Variants in ACTR3C observed in about 807,000 individuals in gnomAD.
ACTR3C encodes actin related protein 3C.
In ACTR3C, 18 loss-of-function variants were observed where a neutral mutation model predicts 26.3. The observed-to-expected ratio is 0.68, with a 90% CI of 0.47 to 1.01. The LOEUF (loss-of-function observed/expected upper bound fraction) is 1.01, where lower values mean the gene tolerates loss of function less well. ACTR3C is among the 50% of genes least tolerant of loss of function. The pLI is 0.00. For synonymous variants in ACTR3C, 55 were observed against 94.5 expected, an observed-to-expected ratio of 0.58 and a Z score of 2.42; for missense variants, 184 against 250.7, an observed-to-expected ratio of 0.73 and a Z score of 1.80.
the ACTR3C span, among the ~76,000 whole-genome samples, chr7:150,048,962 C>T: frequency 6.6e-6 from 1 of 152,132 alleles, no homozygotes; most frequent in Non-Finnish European, 1.5e-5. Flanking sequence ...CGGCTGTGAC[C>T]GTGACTCCAT....
the ACTR3C span, among the ~76,000 whole-genome samples, chr7:150,034,879 C>A: frequency 6.8e-6 from 1 of 147,014 alleles, no homozygotes; most frequent in South Asian, 2.2e-4. Context: ...GGCTGGCTCT[C>A]AGTCCCTACC....
chr7:150,275,833 T>C (rs1295519126), intron 6 of ACTR3C, among the ~76,000 whole-genome samples: 1 of 152,220 alleles, frequency 6.6e-6, no homozygotes, highest in African/African-American at 2.4e-5. Context: ...TCATGCACTC[T>C]GCTCATCTGT....
the ACTR3C span, among the ~76,000 whole-genome samples, chr7:150,152,533 T>A: frequency 6.6e-6 from 1 of 152,218 alleles, no homozygotes; most frequent in Non-Finnish European, 1.5e-5. Context: ...GCTGCTGGAT[T>A]TGGTTTGCCA....
chr7:150,132,496 T>C, the ACTR3C span, among the ~76,000 whole-genome samples: 1 of 151,952 alleles, frequency 6.6e-6, no homozygotes, highest in Non-Finnish European at 1.5e-5. Flanking sequence ...AACAAACATA[T>C]GAAAAAATGC....
At chr7:150,302,931 C>T (rs1795539900) in intron 1 of ACTR3C, 1 of 152,246 alleles carries the variant, frequency 6.6e-6, no homozygotes, top group Non-Finnish European at 1.5e-5. Flanking sequence ...GGGTGACACT[C>T]TCCACATAGG....
the ACTR3C span, among the ~76,000 whole-genome samples, chr7:150,152,719 A>T: frequency 5.3e-5 from 8 of 152,172 alleles, no homozygotes; most frequent in Non-Finnish European, 1.0e-4. Context: ...GAATGGTACC[A>T]GTTCCTCCTT....
the ACTR3C span, among the ~76,000 whole-genome samples, chr7:150,037,106 A>C: frequency 4.4e-4 from 25 of 56,886 alleles, no homozygotes; most frequent in Middle Eastern, 0.012. Context: ...CCTAAGAGCC[A>C]GGGGGGGAAG....
chr7:150,037,165 T>C, the ACTR3C span, among the ~76,000 whole-genome samples: 103 of 14,074 alleles, frequency 7.3e-3, 3 homozygotes, highest in Middle Eastern at 0.091. Flanking sequence ...TCCCCCCCTG[T>C]GATGGGGGTA....
At chr7:150,172,551 A>G in the ACTR3C span, among the ~76,000 whole-genome samples, 1 of 150,212 alleles carries the variant, frequency 6.7e-6, no homozygotes, top group Non-Finnish European at 1.5e-5. Context: ...GACAGAGCCG[A>G]ACCATATCAT....
At chr7:150,179,804 A>G in the ACTR3C span, among the ~76,000 whole-genome samples, 1 of 151,700 alleles carries the variant, frequency 6.6e-6, no homozygotes, top group Non-Finnish European at 1.5e-5. Flanking sequence ...CTCTGATGGG[A>G]TTTTTACATG....
chr7:149,989,468 A>T, the ACTR3C span, among the ~76,000 whole-genome samples: 1 of 152,138 alleles, frequency 6.6e-6, no homozygotes, highest in Non-Finnish European at 1.5e-5. Flanking sequence ...ACCATCCCTG[A>T]GCTAGTCTCT....
At chr7:150,203,075 C>G in the ACTR3C span, among the ~76,000 whole-genome samples, 1 of 152,152 alleles carries the variant, frequency 6.6e-6, no homozygotes, top group Non-Finnish European at 1.5e-5. Flanking sequence ...AGAAGTGGAG[C>G]CTTACCACTC....
At chr7:150,129,164 G>T in the ACTR3C span, among the ~76,000 whole-genome samples, 2 of 151,838 alleles carry the variant, frequency 1.3e-5, no homozygotes, top group South Asian at 4.2e-4. Context: ...AAAATTCATA[G>T]AACGCATGCA....
At chr7:149,965,428 T>C in the ACTR3C span, among the ~76,000 whole-genome samples, 6 of 138,590 alleles carry the variant, frequency 4.3e-5, no homozygotes, top group African/African-American at 1.6e-4. Context: ...AGAGCAGTGG[T>C]TGGGAAGCAG....
In ACTR3C at chr7:150,276,774, G is replaced by A. The variant is rs1324232274; in HGVS notation, c.564+7979C>T. ...CTCACCCCTGTGTGGTGAACCCAAGGGCTACCTCTTGACCCTCATCCTGTG... is the reference window on the plus strand; with the variant it reads ...CTCACCCCTGTGTGGTGAACCCAAGAGCTACCTCTTGACCCTCATCCTGTG... On this transcript the variant is annotated intron_variant, in intron 6 of 7. Transcript: ENST00000683684. 2.0e-5 allele frequency among the ~76,000 whole-genome samples: 3 copies of A among 152,120 alleles called. No homozygotes were observed. The East Asian group carries it at 5.8e-4, about 29-fold the overall frequency.
chr7:150,043,507 G>C, the ACTR3C span, among the ~76,000 whole-genome samples: 1 of 152,364 alleles, frequency 6.6e-6, no homozygotes, highest in South Asian at 2.1e-4. Context: ...CCATCCTTTA[G>C]AAACAGTAAT....
the ACTR3C span, among the ~76,000 whole-genome samples, chr7:150,133,061 T>G: frequency 6.6e-6 from 1 of 152,122 alleles, no homozygotes; most frequent in Admixed American, 6.5e-5. Context: ...AGACATGAGC[T>G]CATTAATAGT....
chr7:150,025,379 G>T, the ACTR3C span, among the ~76,000 whole-genome samples: 2 of 151,824 alleles, frequency 1.3e-5, no homozygotes, highest in African/African-American at 4.8e-5. Flanking sequence ...TTAGCTACTA[G>T]GGGGATTGTA....
the ACTR3C span, among the ~76,000 whole-genome samples, chr7:150,223,601 A>G: frequency 6.6e-6 from 1 of 151,886 alleles, no homozygotes; most frequent in Non-Finnish European, 1.5e-5. Flanking sequence ...TTGACTTACA[A>G]TGGAGTTACA....
Sources: gnomAD v4.1 joint callset for allele counts (sites outside exome capture counted in the v4.1 genomes callset) on GRCh38, gnomAD v4.1.1 for gene constraint, MANE v1.5 for transcripts, NCBI Gene and HGNC (gene_info 2026-07-23, HGNC 2026-07-21) for gene names.